The following CCDC144A variants were observed in gnomAD, a reference collection of about 807,000 sequenced individuals.
CCDC144A encodes the protein coiled-coil domain containing 144A, also known as coiled-coil domain-containing protein 144A.
In CCDC144A, 41 loss-of-function variants were observed where a neutral mutation model predicts 143.8. The ratio of observed to expected loss-of-function variants is 0.29; its 90% CI spans 0.22 to 0.37. The LOEUF (loss-of-function observed/expected upper bound fraction) is 0.37, where lower values mean the gene tolerates loss of function less well. Among genes scored for constraint, CCDC144A ranks in the 10% least tolerant of loss-of-function variants. The probability of loss-of-function intolerance (pLI) is 1.00; values close to 1 mark genes in which losing one functional copy is unlikely to be tolerated. For missense variants in CCDC144A, 637 were observed against 1,488.8 expected (o/e 0.43, Z 9.41); for synonymous variants, 242 against 517.9 (o/e 0.47, Z 7.23).
intron 9 of CCDC144A, among the ~76,000 whole-genome samples, chr17:16,729,930 G>A (rs1161699189): frequency 1.4e-5 from 2 of 139,828 alleles, no homozygotes; most frequent in Admixed American, 1.4e-4. Context: ...CCCATCACCT[G>A]AGTAGTACAT....
At chr17:16,736,182 G>T (rs1233327750) in intron 12 of CCDC144A, among the ~76,000 whole-genome samples, 1 of 149,478 alleles carries the variant, frequency 6.7e-6, no homozygotes, top group Non-Finnish European at 1.5e-5. Context: ...AATCTGAGAC[G>T]ATTTCAGTCT....
At chr17:16,749,174 G>C (rs185409297) in intron 12 of CCDC144A, among the ~76,000 whole-genome samples, 1 of 152,004 alleles carries the variant, frequency 6.6e-6, no homozygotes, top group Non-Finnish European at 1.5e-5. Context: ...GTTCCTCTCG[G>C]CGCAGTGTCA....
At chr17:16,708,035 A>C (rs1451833495) in intron 4 of CCDC144A, among the ~76,000 whole-genome samples, 2 of 152,046 alleles carry the variant, frequency 1.3e-5, no homozygotes, top group African/African-American at 2.4e-5. Flanking sequence ...TGGGGTTATG[A>C]AATCAACCCA....
intron 12 of CCDC144A, among the ~76,000 whole-genome samples, chr17:16,742,984 G>A (rs1172177416): frequency 6.6e-6 from 1 of 152,002 alleles, no homozygotes; most frequent in East Asian, 1.9e-4. Context: ...CAGATGAATA[G>A]ATTTGTAAAT....
At chr17:16,742,103 A>AAT (rs1228865285) in intron 12 of CCDC144A, among the ~76,000 whole-genome samples, 1 of 152,040 alleles carries the variant, frequency 6.6e-6, no homozygotes, top group Non-Finnish European at 1.5e-5. Flanking sequence ...AAAAAAAAAA[A>AAT]AATTAGTTAA....
chr17:16,686,747 AACACACACACACACACAC>A (rs142329474), upstream of CCDC144A, among the ~76,000 whole-genome samples: 1 of 140,394 alleles, frequency 7.1e-6, no homozygotes, highest in African/African-American at 2.6e-5. Flanking sequence ...CACACACACA[AACACACACACACACACAC>A]ACACACACAC....
At chr17:16,736,297 A>C (rs1913998184) in intron 12 of CCDC144A, among the ~76,000 whole-genome samples, 1 of 140,718 alleles carries the variant, frequency 7.1e-6, no homozygotes, top group Admixed American at 7.4e-5. Flanking sequence ...TTTTTAGTAG[A>C]GACGGAGTTT....
In CCDC144A at chr17:16,732,666, G is replaced by A. The variant is rs61179727; in HGVS notation, c.2418G>A (p.Glu806=). Residue 806 remains glutamate (E), a splice_region_variant and synonymous_variant, in exon 11 of 17, where the codon GAG becomes GAA. Coordinates refer to ENST00000399273, the MANE Select transcript of CCDC144A (RefSeq NM_001382000.1). ...LEMARKKMNS[E]ISHRHQKEKD... ...TGGCTCGAAAGAAAATGAATTCTGAGGTATTTTCTTTAGTCATTTTCAAAT... is the reference window on the plus strand; with the variant it reads ...TGGCTCGAAAGAAAATGAATTCTGAAGTATTTTCTTTAGTCATTTTCAAAT... 175,252 of 1,597,478 alleles carry A rather than the reference G, an allele frequency of 0.11. 11,399 individuals carry two copies. Among genetic ancestry groups the A allele is most frequent in the East Asian group, 0.33 (14,526 of 44,540 alleles).
rs757244926 is a variant in CCDC144A at position 16,690,386 on chromosome 17, A to C, written c.-15A>C. ...CCTGCTGGGAGGTTGTGGCCGAGGC[A>C]GTAGCTCGCTACTGATGGCCTCCTG... is the stretch of plus-strand genomic sequence containing the variant. On this transcript the variant is annotated 5_prime_UTR_variant, in exon 1 of 17. Transcript: ENST00000399273. 31 of 1,509,960 alleles carry C rather than the reference A, an allele frequency of 2.1e-5. No homozygotes were observed. Among genetic ancestry groups the C allele is most frequent in the Non-Finnish European group, 2.7e-5 (31 of 1,129,388 alleles). 93.5% of individuals were successfully genotyped at this position (1,509,960 alleles called of 1,614,324 possible). A position where few individuals can be genotyped will look rare whatever the true frequency, so the allele number is the denominator to read the frequency against.
intron 6 of CCDC144A, among the ~76,000 whole-genome samples, chr17:16,719,376 GT>G (rs1198812151): frequency 1.3e-5 from 2 of 151,932 alleles, no homozygotes; most frequent in African/African-American, 4.8e-5. Flanking sequence ...TCTGTATAAA[GT>G]TTTTTTATTA....
chr17:16,746,805 A>G lies in CCDC144A; in HGVS notation c.3372+11162A>G, dbSNP rs1597579556. On this transcript the variant is annotated intron_variant, in intron 12 of 16. Coordinates refer to ENST00000399273, the MANE Select transcript of CCDC144A (RefSeq NM_001382000.1). ...GTTCCCACCGGGGCGGAGCGTGGAC[A>G]AGGAGCTCAAAAGGCACCGCGTACC... 3 of 1,423,458 alleles carry G rather than the reference A, an allele frequency of 2.1e-6. No individual in the cohort carries two copies. In the East Asian group the frequency reaches 7.2e-5, roughly 34 times the overall value. The allele number at this position is 1,423,458 out of a possible 1,614,324, so 88.2% of individuals were successfully genotyped here.
chr17:16,702,731 A>C (rs1467558943), intron 2 of CCDC144A, among the ~76,000 whole-genome samples: 1 of 152,096 alleles, frequency 6.6e-6, no homozygotes, highest in Non-Finnish European at 1.5e-5. Context: ...AAGAATGTGG[A>C]AGGCAGAGAG....
the CCDC144A span, among the ~76,000 whole-genome samples, chr17:16,679,983 A>AT: frequency 4.6e-5 from 7 of 152,034 alleles, no homozygotes; most frequent in Admixed American, 2.0e-4. Context: ...CAAAATATTT[A>AT]TTTTTTTTAA....
intron 6 of CCDC144A, among the ~76,000 whole-genome samples, chr17:16,716,818 T>C (rs1432259912): frequency 6.7e-6 from 1 of 149,502 alleles, no homozygotes; most frequent in African/African-American, 2.5e-5. Flanking sequence ...AGCTGTTTTT[T>C]TTTTTTTTTT....
chr17:16,747,688 G>A lies in CCDC144A; in HGVS notation c.3372+12045G>A, dbSNP rs144900306. Reference sequence around the variant, plus strand: ...CTAAGTATTTTGCTTTTTTGTGTGTGGCTATTACAAATTGGATTACATTCT... The same window carrying A: ...CTAAGTATTTTGCTTTTTTGTGTGTAGCTATTACAAATTGGATTACATTCT... On this transcript the variant is annotated intron_variant, in intron 12 of 16. Coordinates refer to ENST00000399273, the MANE Select transcript of CCDC144A (RefSeq NM_001382000.1). Among the ~76,000 whole-genome samples the A allele has an allele frequency of 2.6e-3, 396 of 152,120 alleles. 11 individuals carry two copies. In the East Asian group the frequency reaches 0.068, roughly 26 times the overall value.
chr17:16,688,484 G>GTTTTTTTTTTTTTTTTTTTTTTTTTT (rs66493875), upstream of CCDC144A, among the ~76,000 whole-genome samples: 3 of 71,622 alleles, frequency 4.2e-5, no homozygotes, highest in Non-Finnish European at 2.6e-5. Context: ...TTCTTTTTCT[G>GTTTTTTTTTTTTTTTTTTTTTTTTTT]TTTTTTTTTT....
the CCDC144A span, among the ~76,000 whole-genome samples, chr17:16,667,965 G>C: frequency 6.7e-6 from 1 of 149,286 alleles, no homozygotes; most frequent in Admixed American, 6.7e-5. Context: ...TGATTTTGTT[G>C]TTTGTTTCGC....
At chr17:16,678,246 GC>G in the CCDC144A span, among the ~76,000 whole-genome samples, 1 of 151,878 alleles carries the variant, frequency 6.6e-6, no homozygotes, top group Non-Finnish European at 1.5e-5. Flanking sequence ...CGACTTAGGG[GC>G]CTCCTTCCTC....
chr17:16,746,802 G>A (rs1224757768), intron 12 of CCDC144A: 37 of 1,446,536 alleles, frequency 2.6e-5, no homozygotes, highest in Non-Finnish European at 3.3e-5. Context: ...GCGGAGCGTG[G>A]ACAAGGAGCT....
Sources: allele counts gnomAD v4.1 joint callset (sites outside exome capture counted in the v4.1 genomes callset), GRCh38; gene constraint gnomAD v4.1.1; transcripts MANE v1.5; gene names NCBI Gene and HGNC (gene_info 2026-07-23, HGNC 2026-07-21).